Variants in ARHGEF2 observed in about 807,000 individuals in gnomAD.
ARHGEF2 encodes the protein rho guanine nucleotide exchange factor 2.
In ARHGEF2, 22 loss-of-function variants were observed where a neutral mutation model predicts 121.0. The observed-to-expected ratio is 0.18, with a 90% CI of 0.13 to 0.26. The LOEUF (loss-of-function observed/expected upper bound fraction) is 0.26, where lower values mean the gene tolerates loss of function less well. Among genes scored for constraint, ARHGEF2 ranks in the 10% least tolerant of loss-of-function variants. ARHGEF2 has a pLI of 1.00. For missense variants in ARHGEF2, 907 were observed against 1,336.0 expected (o/e 0.68, Z 5.01); for synonymous variants, 487 against 530.0 (o/e 0.92, Z 1.11).
In ARHGEF2 at chr1:155,965,890, T is replaced by C; in HGVS notation, c.341-130A>G. The C allele has an allele frequency of 8.5e-7, 1 of 1,175,894 alleles. No individual in the cohort carries two copies. The highest frequency in any genetic ancestry group is 1.1e-6 in the Non-Finnish European group (1 of 876,434). The allele number at this position is 1,175,894 out of a possible 1,614,324, so 72.8% of individuals were successfully genotyped here. On this transcript the variant is annotated intron_variant, in intron 4 of 21. Coordinates refer to ENST00000361247, the MANE Select transcript of ARHGEF2 (RefSeq NM_001162383.2). This position sits in a 1 kb window ranked among gnomAD's most constrained non-coding sequence, Gnocchi z 6.0. ...CCTCAGCCCCTCTAGTCAAGAAAGATGGTAATGAGAATGCCACCTTACATT... is the reference window on the plus strand; with the variant it reads ...CCTCAGCCCCTCTAGTCAAGAAAGACGGTAATGAGAATGCCACCTTACATT...
Position 155,957,459 on chromosome 1 carries a change from C to T in ARHGEF2, c.1715+254G>A, listed in dbSNP as rs73003000. ...TGGCAGGTATGCCACCATGTGACAG[C>T]TCAAAGTATTCCCTTGCTTGTCAGC... On this transcript the variant is annotated intron_variant, in intron 13 of 21. Coordinates refer to ENST00000361247, the MANE Select transcript of ARHGEF2 (RefSeq NM_001162383.2). Among the ~76,000 whole-genome samples, 912 of 152,358 alleles carry T rather than the reference C, an allele frequency of 6.0e-3. 15 individuals carry two copies. Among genetic ancestry groups the T allele is most frequent in the African/African-American group, 0.021 (862 of 41,576 alleles).
intron 11 of ARHGEF2, among the ~76,000 whole-genome samples, chr1:155,959,983 A>T (rs2102653869): frequency 6.6e-6 from 1 of 152,154 alleles, no homozygotes; most frequent in South Asian, 2.1e-4. Flanking sequence ...GGAGGGAGAA[A>T]GTTTCCTTCC....
At chr1:155,967,498 G>C (rs1402026022) in intron 2 of ARHGEF2, among the ~76,000 whole-genome samples, 1 of 152,140 alleles carries the variant, frequency 6.6e-6, no homozygotes, top group African/African-American at 2.4e-5. Context: ...TGAATCCAAA[G>C]GCCGTGCTCC....
intron 12 of ARHGEF2, 110 bp downstream of exon 12, chr1:155,958,210 T>C (rs1263010769): frequency 1.1e-5 from 9 of 813,820 alleles, no homozygotes; most frequent in Admixed American, 2.3e-5. Context: ...GTAACAATTA[T>C]AGCTGTTTGA....
In ARHGEF2 at chr1:155,962,333, G is replaced by A. The variant is rs1355641945; in HGVS notation, c.1102-111C>T. On this transcript the variant is annotated intron_variant, in intron 9 of 21. Coordinates refer to ENST00000361247, the MANE Select transcript of ARHGEF2 (RefSeq NM_001162383.2). This position sits in a 1 kb window ranked among gnomAD's most constrained non-coding sequence, Gnocchi z 5.8. The stretch of plus-strand genomic sequence containing the variant: ...GGCCATTTACCTCATGCTTGCCTAG[G>A]TGACATATCTGGAAAATGGGGATAA... 24 of 1,186,020 alleles carry A rather than the reference G, an allele frequency of 2.0e-5. No homozygotes were observed. The highest frequency in any genetic ancestry group is 2.5e-5 in the Non-Finnish European group (21 of 832,118). 73.5% of individuals were successfully genotyped at this position (1,186,020 alleles called of 1,614,324 possible). A position where few individuals can be genotyped will look rare whatever the true frequency, so the allele number is the denominator to read the frequency against.
At chr1:155,956,781 C>A (rs1003107587) in intron 13 of ARHGEF2, among the ~76,000 whole-genome samples, 1 of 149,316 alleles carries the variant, frequency 6.7e-6, no homozygotes, top group East Asian at 2.0e-4. Flanking sequence ...CATGGTAAAA[C>A]CCCGTCTCTA....
In ARHGEF2 at chr1:155,966,812, C is replaced by T. The variant is rs1295696776; in HGVS notation, c.276+8G>A. 5 of 1,609,950 alleles carry T rather than the reference C, an allele frequency of 3.1e-6. No individual in the cohort carries two copies. Among genetic ancestry groups the T allele is most frequent in the Non-Finnish European group, 4.2e-6 (5 of 1,176,500 alleles). On this transcript the variant is annotated splice_region_variant and intron_variant, in intron 3 of 21. Transcript: ENST00000361247. ...TCCCCCAGCCCTCTGCCCTCCCTGC[C>T]GTCTCACCTTCTGCTTGACCTTGGT...
chr1:155,969,380 C>T, intron 1 of ARHGEF2, 80 bp from the exon 2 acceptor site: 5 of 1,577,380 alleles, frequency 3.2e-6, no homozygotes, highest in Non-Finnish European at 4.3e-6. Flanking sequence ...AGGCTGGGGG[C>T]AGAGGCAAGG....
intron 11 of ARHGEF2, among the ~76,000 whole-genome samples, chr1:155,960,614 G>A (rs1267233105): frequency 6.6e-6 from 1 of 152,120 alleles, no homozygotes; most frequent in Non-Finnish European, 1.5e-5. Flanking sequence ...AATCCCCCAT[G>A]GTTTATATTC....
intron 14 of ARHGEF2, 40 bp from the exon 15 acceptor site, chr1:155,952,868 G>T: frequency 6.2e-7 from 1 of 1,605,948 alleles, no homozygotes; most frequent in South Asian, 1.1e-5. Context: ...GAGGACGTAG[G>T]GGTATGCAAG....
In ARHGEF2 at chr1:155,962,286, G is replaced by C; in HGVS notation, c.1102-64C>G. ...GGCAACAGAAAGGCCTGGGGCCTGA[G>C]CTCTGGTGCTGGCCCTGGCGTGGCC... On this transcript the variant is annotated intron_variant, in intron 9 of 21. Transcript: ENST00000361247. This position sits in a 1 kb window ranked among gnomAD's most constrained non-coding sequence, Gnocchi z 5.8. 6.6e-7 allele frequency: 1 copy of C among 1,510,028 alleles called. No individual in the cohort carries two copies. The allele number at this position is 1,510,028 out of a possible 1,614,324, so 93.5% of individuals were successfully genotyped here.
At chr1:155,966,954 C>T in intron 2 of ARHGEF2, 67 bp from the exon 3 acceptor site, 1 of 1,458,076 alleles carries the variant, frequency 6.9e-7, no homozygotes. Flanking sequence ...CACCCACATG[C>T]AGACACCCAT....
At position 155,966,965 on chromosome 1, in the gene ARHGEF2, C is replaced by T. The variant is rs796125554; in HGVS notation, c.209-78G>A. 31 of 1,382,382 alleles carry T rather than the reference C, an allele frequency of 2.2e-5. 1 individual carries two copies. In the African/African-American group the frequency reaches 4.0e-4, roughly 18 times the overall value. 85.6% of individuals were successfully genotyped at this position (1,382,382 alleles called of 1,614,324 possible). The stretch of plus-strand genomic sequence containing the variant: ...GACACACCCACATGCAGACACCCAT[C>T]TCCTCCTGGCCACACAGTCCTCGGG... On this transcript the variant is annotated intron_variant, in intron 2 of 21. Transcript: ENST00000361247.
At chr1:155,975,594 C>T (rs1259621752) in intron 1 of ARHGEF2, among the ~76,000 whole-genome samples, 1 of 152,122 alleles carries the variant, frequency 6.6e-6, no homozygotes, top group Non-Finnish European at 1.5e-5. Context: ...CCAACACCGT[C>T]AGCCCTCTCA....
chr1:155,947,529 C>A lies in ARHGEF2; in HGVS notation c.*413G>T. 1 of 423,898 alleles carries A rather than the reference C, an allele frequency of 2.4e-6. No individual in the cohort carries two copies. Among genetic ancestry groups the A allele is most frequent in the Admixed American group, 2.7e-5 (1 of 37,686 alleles). 26.3% of individuals were successfully genotyped at this position (423,898 alleles called of 1,614,324 possible). On this transcript the variant is annotated 3_prime_UTR_variant, in exon 22 of 22. Transcript: ENST00000361247. The stretch of plus-strand genomic sequence containing the variant: ...CCAAGACGGATGTTGCAGGGGAGGG[C>A]CGTTAGGGCAAGAACCCAGCAGCTG...
At chr1:155,964,892 CAAAAAAAAA>C in intron 7 of ARHGEF2, 87 bp downstream of exon 7, 1 of 1,117,984 alleles carries the variant, frequency 8.9e-7, no homozygotes, top group South Asian at 1.8e-5. Context: ...GACTCCATCT[CAAAAAAAAA>C]AAAAAAAAGA....
upstream of ARHGEF2, chr1:155,979,259 C>T: frequency 1.0e-6 from 1 of 985,604 alleles, no homozygotes; most frequent in Non-Finnish European, 1.2e-6. Flanking sequence ...GGTTGGGATT[C>T]TCCACTTTTA....
rs772384575 is a variant in ARHGEF2 at position 155,961,960 on chromosome 1, C to G, written c.1220-51G>C. 12 of 1,608,942 alleles carry G rather than the reference C, an allele frequency of 7.5e-6. No homozygotes were observed. Among genetic ancestry groups the G allele is most frequent in the South Asian group, 1.1e-5 (1 of 90,874 alleles). On this transcript the variant is annotated intron_variant, in intron 10 of 21. Coordinates refer to ENST00000361247, the MANE Select transcript of ARHGEF2 (RefSeq NM_001162383.2). The surrounding 1 kb of genome is among the most constrained non-coding windows in gnomAD (Gnocchi z 4.7). ...ACGGCTCAACCAGTTTCACTCACACCCCAGTTCCCATCGTGTCTTGATTCC... is the reference window on the plus strand; with the variant it reads ...ACGGCTCAACCAGTTTCACTCACACGCCAGTTCCCATCGTGTCTTGATTCC...
intron 1 of ARHGEF2, among the ~76,000 whole-genome samples, chr1:155,973,767 A>AAAAG (rs1312169306): frequency 6.6e-6 from 1 of 152,038 alleles, no homozygotes; most frequent in Admixed American, 6.6e-5. Context: ...AAGAAAAGAA[A>AAAAG]AAAGAAAGAA....
Sources: gnomAD v4.1 joint callset for allele counts (sites outside exome capture counted in the v4.1 genomes callset) on GRCh38, gnomAD v4.1.1 for gene constraint, Gnocchi (gnomAD v3.1) non-coding constraint, MANE v1.5 for transcripts, NCBI Gene and HGNC (gene_info 2026-07-23, HGNC 2026-07-21) for gene names.